The following SPAG6 variants were observed in gnomAD, a reference collection of about 807,000 sequenced individuals.
SPAG6 encodes the protein sperm-associated antigen 6.
In SPAG6, 49 loss-of-function variants were observed where a neutral mutation model predicts 58.5. The observed-to-expected ratio is 0.84, with a 90% confidence interval of 0.67 to 1.06. The LOEUF (loss-of-function observed/expected upper bound fraction) is 1.06, where lower values mean the gene tolerates loss of function less well. Ranked by LOEUF, SPAG6 falls within the 50% of genes least tolerant of loss-of-function variation. The probability of loss-of-function intolerance (pLI) is 0.00; values close to 1 mark genes in which losing one functional copy is unlikely to be tolerated. For synonymous variants in SPAG6, 233 were observed against 225.6 expected (o/e 1.03, Z -0.29); for missense variants, 560 against 611.3 (o/e 0.92, Z 0.89).
intron 2 of SPAG6, among the ~76,000 whole-genome samples, chr10:22,354,362 A>T (rs1474270741): frequency 6.6e-6 from 1 of 152,188 alleles, no homozygotes; most frequent in African/African-American, 2.4e-5. Flanking sequence ...TGGACACATT[A>T]GCACCATTCA....
At chr10:22,392,288 C>G (rs112602928) in intron 8 of SPAG6, among the ~76,000 whole-genome samples, 111 of 152,200 alleles carry the variant, frequency 7.3e-4, no homozygotes, top group African/African-American at 2.6e-3. Context: ...TTTAAGGTAC[C>G]TTTCAAATGT....
At chr10:22,379,624 G>T (rs1205667561) in intron 4 of SPAG6, among the ~76,000 whole-genome samples, 1 of 152,136 alleles carries the variant, frequency 6.6e-6, no homozygotes, top group Non-Finnish European at 1.5e-5. Flanking sequence ...CTTGATTGTA[G>T]CCTAGTGATA....
intron 2 of SPAG6, among the ~76,000 whole-genome samples, chr10:22,357,537 T>G (rs945094868): frequency 5.9e-5 from 9 of 152,022 alleles, no homozygotes; most frequent in African/African-American, 1.9e-4. Context: ...ATAATAAAAT[T>G]ATGTGGATGA....
At chr10:22,406,644 T>A (rs1167993949) in intron 9 of SPAG6, among the ~76,000 whole-genome samples, 2 of 152,204 alleles carry the variant, frequency 1.3e-5, no homozygotes, top group Non-Finnish European at 2.9e-5. Flanking sequence ...TCTGTAGATG[T>A]CTATTAGGTC....
rs78840992 is a variant in SPAG6 at position 22,376,240 on chromosome 10, T to A, written c.472+7562T>A. On this transcript the variant is annotated intron_variant, in intron 4 of 10. Transcript: ENST00000376624. ...TTTTGATGAAAATTTAGTGGCTGAA[T>A]TGAGAAATGCTGTAAGTGCAAAATA... Among the ~76,000 whole-genome samples the A allele has an allele frequency of 4.4e-3, 669 of 152,278 alleles. 4 individuals are homozygous for A. The highest frequency in any genetic ancestry group is 0.015 in the African/African-American group (638 of 41,554).
Position 22,399,350 on chromosome 10 carries a change from C to T in SPAG6, c.1198-1811C>T, listed in dbSNP as rs1010515996. On this transcript the variant is annotated intron_variant, in intron 8 of 10. Transcript: ENST00000376624. ...CCACCAGCTCCAGACAACTATTAAT[C>T]TACTTTCTGTGTTTCTGAATTTGAC... Among the ~76,000 whole-genome samples the T allele has an allele frequency of 2.0e-5, 3 of 152,190 alleles. No individual in the cohort carries two copies. The South Asian group carries it at 6.2e-4, about 32-fold the overall frequency.
intron 8 of SPAG6, among the ~76,000 whole-genome samples, chr10:22,399,517 C>T (rs1030983333): frequency 2.6e-5 from 4 of 152,150 alleles, no homozygotes; most frequent in African/African-American, 9.7e-5. Context: ...GTCAAATAGA[C>T]ATGCAAAGAA....
intron 4 of SPAG6, among the ~76,000 whole-genome samples, chr10:22,382,998 CTTGT>C (rs745811733): frequency 2.6e-5 from 4 of 152,006 alleles, no homozygotes; most frequent in African/African-American, 9.7e-5. Flanking sequence ...AGTTTTTAAT[CTTGT>C]TTGTTATGTA....
At chr10:22,373,220 G>A (rs563732771) in intron 4 of SPAG6, among the ~76,000 whole-genome samples, 4 of 152,258 alleles carry the variant, frequency 2.6e-5, no homozygotes, top group Admixed American at 2.0e-4. Context: ...TGATGTGGAC[G>A]TGACGGAAAC....
At chr10:22,385,608 T>C (rs1834047840) in intron 4 of SPAG6, among the ~76,000 whole-genome samples, 1 of 152,200 alleles carries the variant, frequency 6.6e-6, no homozygotes, top group South Asian at 2.1e-4. Flanking sequence ...GAACTGTTTA[T>C]ACAATATTGG....
At chr10:22,376,875 G>A (rs746632735) in intron 4 of SPAG6, among the ~76,000 whole-genome samples, 4 of 151,874 alleles carry the variant, frequency 2.6e-5, no homozygotes, top group Non-Finnish European at 5.9e-5. Flanking sequence ...GCTTAAGGCC[G>A]GGAGTTCAAG....
intron 3 of SPAG6, 119 bp from the exon 4 acceptor site, chr10:22,368,376 T>G: frequency 1.4e-6 from 1 of 702,146 alleles, no homozygotes; most frequent in Non-Finnish European, 2.3e-6. Context: ...TCTTTTATAT[T>G]CAAAAGCTGT....
intron 8 of SPAG6, among the ~76,000 whole-genome samples, chr10:22,395,990 T>C (rs557720685): frequency 6.6e-6 from 1 of 152,312 alleles, no homozygotes; most frequent in African/African-American, 2.4e-5. Context: ...AGAAGTTTAA[T>C]TGACTCACAG....
At position 22,416,783 on chromosome 10, in the gene SPAG6, A is replaced by G. The variant is rs1834876209; in HGVS notation, c.*95A>G. Reference sequence around the variant, plus strand: ...AATATTTGAACTAAGTATATTCTAGATTTATTTAATGGGAAATACCTTTAG... The same window carrying G: ...AATATTTGAACTAAGTATATTCTAGGTTTATTTAATGGGAAATACCTTTAG... On this transcript the variant is annotated 3_prime_UTR_variant, in exon 11 of 11. Transcript: ENST00000376624. 2.9e-6 allele frequency: 2 copies of G among 681,212 alleles called. No individual in the cohort carries two copies. Among genetic ancestry groups the G allele is most frequent in the Admixed American group, 4.3e-5 (2 of 46,486 alleles). 42.2% of individuals were successfully genotyped at this position (681,212 alleles called of 1,614,324 possible). A position where few individuals can be genotyped will look rare whatever the true frequency, so the allele number is the denominator to read the frequency against.
chr10:22,411,292 A>G (rs761982953), intron 10 of SPAG6, 116 bp downstream of exon 10: 15 of 757,934 alleles, frequency 2.0e-5, no homozygotes, highest in Admixed American at 6.1e-5. Context: ...TGTGAGGCCA[A>G]TATGTACCTT....
chr10:22,369,065 G>T (rs1253730905), intron 4 of SPAG6, among the ~76,000 whole-genome samples: 2 of 152,146 alleles, frequency 1.3e-5, no homozygotes, highest in Non-Finnish European at 2.9e-5. Flanking sequence ...AATTATTTTA[G>T]TTAGTCACCC....
At chr10:22,400,933 T>C (rs1301345208) in intron 8 of SPAG6, among the ~76,000 whole-genome samples, 1 of 152,182 alleles carries the variant, frequency 6.6e-6, no homozygotes, top group Non-Finnish European at 1.5e-5. Context: ...AGCTCAGTAA[T>C]ACACTTTACA....
chr10:22,349,000 TTTTTGTTTTG>T (rs757463562), intron 2 of SPAG6, among the ~76,000 whole-genome samples: 2 of 152,068 alleles, frequency 1.3e-5, no homozygotes, highest in African/African-American at 2.4e-5. Flanking sequence ...ACCTGGCTAA[TTTTTGTTTTG>T]TTTTGTTTTG....
intron 10 of SPAG6, among the ~76,000 whole-genome samples, chr10:22,413,367 A>G (rs577552429): frequency 6.6e-5 from 10 of 152,174 alleles, no homozygotes; most frequent in Non-Finnish European, 1.0e-4. Context: ...CCCCGTCTCT[A>G]CTAAAAATAC....
Sources: gnomAD v4.1 joint callset for allele counts (sites outside exome capture counted in the v4.1 genomes callset) on GRCh38, gnomAD v4.1.1 for gene constraint, MANE v1.5 for transcripts, NCBI Gene and HGNC (gene_info 2026-07-23, HGNC 2026-07-21) for gene names.